Variants in RTF1 observed in about 807,000 individuals in gnomAD.
RTF1 encodes the protein RNA polymerase-associated protein RTF1 homolog.
RTF1 carries 10 observed loss-of-function variants against 95.7 expected under a neutral mutation model. That is an observed-to-expected ratio of 0.10 (90% CI 0.06 to 0.18). The LOEUF is 0.18. Among genes scored for constraint, RTF1 ranks in the 10% least tolerant of loss-of-function variants. The pLI, the probability that RTF1 is intolerant of heterozygous loss-of-function variation, is 1.00. For synonymous variants in RTF1, 305 were observed against 311.8 expected (o/e 0.98, Z 0.23); for missense variants, 458 against 875.6 (o/e 0.52, Z 6.02).
intron 4 of RTF1, among the ~76,000 whole-genome samples, chr15:41,462,758 T>C (rs2050857483): frequency 1.3e-5 from 2 of 152,104 alleles, no homozygotes; most frequent in Non-Finnish European, 2.9e-5. Context: ...TGTTTATTAT[T>C]ATTGTTGTTG....
At chr15:41,423,438 T>C (rs2050612873) in intron 1 of RTF1, among the ~76,000 whole-genome samples, 2 of 141,328 alleles carry the variant, frequency 1.4e-5, no homozygotes, top group African/African-American at 2.6e-5. Context: ...AATGGCACGC[T>C]GGGCTCACTG....
At chr15:41,470,910 G>A (rs996536206) in intron 7 of RTF1, among the ~76,000 whole-genome samples, 19 of 151,774 alleles carry the variant, frequency 1.3e-4, no homozygotes, top group African/African-American at 4.6e-4. Context: ...CGCCCGCCTC[G>A]GCCTCCCAAA....
intron 2 of RTF1, among the ~76,000 whole-genome samples, chr15:41,452,524 AG>A (rs1169042025): frequency 1.3e-5 from 2 of 152,156 alleles, no homozygotes. Flanking sequence ...GTCTGAGCTC[AG>A]GAGTTCAAGA....
intron 4 of RTF1, among the ~76,000 whole-genome samples, chr15:41,463,431 G>A (rs770478451): frequency 2.6e-4 from 40 of 152,176 alleles, no homozygotes; most frequent in Non-Finnish European, 4.1e-4. Flanking sequence ...GGCAATAAGT[G>A]TACTAGTTTC....
At chr15:41,477,353 G>A (rs569411431) in intron 13 of RTF1, 67 bp downstream of exon 13, 3 of 1,613,394 alleles carry the variant, frequency 1.9e-6, no homozygotes, top group Admixed American at 3.3e-5. Flanking sequence ...CCTGTGGCCT[G>A]TACACTCTGT....
chr15:41,434,647 A>G (rs1189519596), intron 1 of RTF1, among the ~76,000 whole-genome samples: 1 of 146,524 alleles, frequency 6.8e-6, no homozygotes, highest in African/African-American at 2.5e-5. Context: ...TTTCTTTTTG[A>G]GATGGAGTCT....
intron 16 of RTF1, among the ~76,000 whole-genome samples, chr15:41,479,626 G>A (rs566722260): frequency 1.2e-4 from 18 of 152,128 alleles, no homozygotes; most frequent in Non-Finnish European, 2.5e-4. Context: ...TTTGGGAGGC[G>A]GAGGTGGGCG....
chr15:41,478,457 T>G, intron 14 of RTF1, 91 bp from the exon 15 acceptor site: 1 of 835,706 alleles, frequency 1.2e-6, no homozygotes, highest in Non-Finnish European at 1.9e-6. Flanking sequence ...TTTTTTTCAG[T>G]CCCGTGCAAA....
At chr15:41,480,411 G>A in intron 17 of RTF1, 86 bp downstream of exon 17, 2 of 1,056,836 alleles carry the variant, frequency 1.9e-6, no homozygotes, top group Non-Finnish European at 2.9e-6. Flanking sequence ...CACTTTTAGG[G>A]AAGAAAGGGG....
rs1566850661 is a variant in RTF1 at position 41,478,625 on chromosome 15, T to C, written c.1818T>C (p.Asn606=). 6 of 1,612,588 alleles carry C rather than the reference T, an allele frequency of 3.7e-6. No homozygotes were observed. The highest frequency in any genetic ancestry group is 4.2e-6 in the Non-Finnish European group (5 of 1,178,792). ...AGTGCAAGCCTACCATCGTTTCTAA[T>C]GTGAGTGCTGAAAGAGGACATTTTA... The part of the protein sequence containing the change: ...RRQCKPTIVS[N]SRDPAVQAAI... The change falls in exon 15 of 18, where the codon AAT becomes AAC. Residue 606 remains asparagine, a splice_region_variant and synonymous_variant. Transcript: ENST00000389629.
chr15:41,439,334 T>A (rs1236580916), intron 2 of RTF1, among the ~76,000 whole-genome samples: 2 of 152,116 alleles, frequency 1.3e-5, no homozygotes, highest in African/African-American at 4.8e-5. Flanking sequence ...GCGCCCGGAC[T>A]CTCTTTTTTC....
chr15:41,426,454 C>T (rs556839360), intron 1 of RTF1, among the ~76,000 whole-genome samples: 3 of 151,670 alleles, frequency 2.0e-5, no homozygotes, highest in South Asian at 2.1e-4. Flanking sequence ...TACAGGCGTG[C>T]GCCACCATGC....
intron 2 of RTF1, among the ~76,000 whole-genome samples, chr15:41,444,455 G>A (rs985362660): frequency 7.9e-5 from 12 of 151,796 alleles, no homozygotes; most frequent in African/African-American, 2.9e-4. Context: ...CACCACGCCC[G>A]GCTAACTTTT....
Position 41,440,968 on chromosome 15 carries a change from C to CTTTT in RTF1, c.309+2555_309+2558dup, listed in dbSNP as rs55996061. On this transcript the variant is annotated intron_variant, in intron 2 of 17. Transcript: ENST00000389629. Reference sequence around the variant, plus strand: ...TAATTTTCTCTCCCACTAGTCCCCTCTTTTTTTTTTTTTTTTTTTTTGAGA... The same window carrying CTTTT: ...TAATTTTCTCTCCCACTAGTCCCCTCTTTTTTTTTTTTTTTTTTTTTTTTTGAGA... 7.9e-4 allele frequency among the ~76,000 whole-genome samples: 91 copies of CTTTT among 115,426 alleles called. 2 individuals are homozygous for CTTTT. Among genetic ancestry groups the CTTTT allele is most frequent in the East Asian group, 4.8e-3 (22 of 4,600 alleles). The allele number at this position is 115,426 out of a possible 152,430, so 75.7% of individuals were successfully genotyped here. A position where few individuals can be genotyped will look rare whatever the true frequency, so the allele number is the denominator to read the frequency against.
At chr15:41,421,995 G>A (rs2050604852) in intron 1 of RTF1, among the ~76,000 whole-genome samples, 1 of 152,054 alleles carries the variant, frequency 6.6e-6, no homozygotes, top group Non-Finnish European at 1.5e-5. Flanking sequence ...TTACAGGTGT[G>A]AGCTGCCACA....
chr15:41,468,792 T>C (rs2050894888), intron 6 of RTF1, among the ~76,000 whole-genome samples: 1 of 152,288 alleles, frequency 6.6e-6, no homozygotes, highest in Admixed American at 6.5e-5. Context: ...CTGGGCAACA[T>C]AGTGAGACCC....
chr15:41,444,046 C>T (rs181007478), intron 2 of RTF1, among the ~76,000 whole-genome samples: 100 of 148,382 alleles, frequency 6.7e-4, no homozygotes, highest in African/African-American at 2.2e-3. Context: ...CCAGCCTGGG[C>T]GACAGAGCGA....
intron 1 of RTF1, among the ~76,000 whole-genome samples, chr15:41,422,849 C>A (rs2050609362): frequency 1.3e-5 from 2 of 152,090 alleles, no homozygotes; most frequent in African/African-American, 4.8e-5. Context: ...GATCTTGGCT[C>A]CTGCAGCCTC....
chr15:41,457,950 T>TC, intron 4 of RTF1, 74 bp downstream of exon 4: 1 of 1,194,744 alleles, frequency 8.4e-7, no homozygotes, highest in South Asian at 1.3e-5. Context: ...TACTTCCCTG[T>TC]CCTTCACACC....
Sources: gnomAD v4.1 joint callset for allele counts (sites outside exome capture counted in the v4.1 genomes callset) on GRCh38, gnomAD v4.1.1 for gene constraint, MANE v1.5 for transcripts, NCBI Gene and HGNC (gene_info 2026-07-23, HGNC 2026-07-21) for gene names.